The following ATP8A2 variants were observed in gnomAD, a reference collection of about 807,000 sequenced individuals.
The protein encoded by ATP8A2 is phospholipid-transporting ATPase IB.
In ATP8A2, 100 loss-of-function variants were observed where a neutral mutation model predicts 165.6. That is an observed-to-expected ratio of 0.60 (90% CI 0.51 to 0.71). The LOEUF is 0.71. Among genes scored for constraint, ATP8A2 ranks in the 30% least tolerant of loss-of-function variants. The pLI, the probability that ATP8A2 is intolerant of heterozygous loss-of-function variation, is 0.00. For missense variants in ATP8A2, 1,227 were observed against 1,479.5 expected, an observed-to-expected ratio of 0.83 and a Z score of 2.80; for synonymous variants, 543 against 548.8, an observed-to-expected ratio of 0.99 and a Z score of 0.15.
At chr13:25,576,441 G>A (rs762805904) in intron 19 of ATP8A2, among the ~76,000 whole-genome samples, 2 of 152,120 alleles carry the variant, frequency 1.3e-5, no homozygotes, top group African/African-American at 4.8e-5. Context: ...GGGAGATGAG[G>A]TGAGGCTGCA....
chr13:25,465,686 T>G (rs1276932105), intron 1 of ATP8A2, among the ~76,000 whole-genome samples: 1 of 14,610 alleles, frequency 6.8e-5, no homozygotes, highest in African/African-American at 1.8e-4. Flanking sequence ...TTTCTTTCTT[T>G]CTTTCTTTCT....
At chr13:25,847,119 G>A (rs3783121) in intron 30 of ATP8A2, among the ~76,000 whole-genome samples, 4,546 of 152,284 alleles carry the variant, frequency 0.03, 170 homozygotes, top group East Asian at 0.17. Context: ...AGACCTGCAG[G>A]GAGGACAGAG....
chr13:25,680,702 C>T (rs1338960997), intron 24 of ATP8A2, among the ~76,000 whole-genome samples: 2 of 152,152 alleles, frequency 1.3e-5, no homozygotes, highest in Non-Finnish European at 2.9e-5. Context: ...CTGCTCTTGT[C>T]ATCCTAAGGC....
chr13:25,751,878 A>C (rs536299218), intron 25 of ATP8A2, among the ~76,000 whole-genome samples: 1 of 151,302 alleles, frequency 6.6e-6, no homozygotes, highest in African/African-American at 2.4e-5. Context: ...TTTTCTCCTG[A>C]AGTTTTATCA....
chr13:25,434,716 C>T (rs1337561618), intron 1 of ATP8A2, among the ~76,000 whole-genome samples: 4 of 152,110 alleles, frequency 2.6e-5, no homozygotes, highest in Middle Eastern at 3.2e-3. Context: ...TTTATTTTCC[C>T]GTGTTCCCCA....
At chr13:25,581,034 G>A (rs1048026180) in intron 22 of ATP8A2, among the ~76,000 whole-genome samples, 8 of 152,130 alleles carry the variant, frequency 5.3e-5, no homozygotes, top group African/African-American at 1.9e-4. Flanking sequence ...TATTTGCCCT[G>A]TTTTACTGGA....
chr13:25,823,369 A>C (rs113524456), intron 27 of ATP8A2, among the ~76,000 whole-genome samples: 2,030 of 152,168 alleles, frequency 0.013, 45 homozygotes, highest in African/African-American at 0.046. Context: ...TGACATGTTT[A>C]TCTTATATGT....
At chr13:25,826,680 A>G (rs1466776511) in intron 27 of ATP8A2, among the ~76,000 whole-genome samples, 1 of 152,252 alleles carries the variant, frequency 6.6e-6, no homozygotes, top group Non-Finnish European at 1.5e-5. Flanking sequence ...TGTGACACAG[A>G]TAACGTTGAT....
chr13:25,475,335 C>T (rs1460457432), intron 2 of ATP8A2, among the ~76,000 whole-genome samples: 4 of 152,118 alleles, frequency 2.6e-5, no homozygotes, highest in Admixed American at 6.5e-5. Context: ...TCCACATTCC[C>T]GCAAAAGACA....
intron 26 of ATP8A2, among the ~76,000 whole-genome samples, chr13:25,772,039 G>T (rs1487986150): frequency 6.6e-6 from 1 of 152,190 alleles, no homozygotes; most frequent in East Asian, 1.9e-4. Context: ...AAGTTACGAA[G>T]TGGGCAAAGC....
At chr13:25,423,176 T>C (rs1416371352) in intron 1 of ATP8A2, among the ~76,000 whole-genome samples, 3 of 152,234 alleles carry the variant, frequency 2.0e-5, no homozygotes, top group Non-Finnish European at 4.4e-5. Context: ...CTTTCAGTGC[T>C]CTTTCTAGGC....
At position 25,551,448 on chromosome 13, in the gene ATP8A2, G is replaced by A. The variant is rs780809999; in HGVS notation, c.1002G>A (p.Gly334=). Residue 334 remains glycine (G), a synonymous_variant, in exon 11 of 37, where the codon GGG becomes GGA. Transcript: ENST00000381655. ...LLVMALVSSA[G]ALYWNRSHGE... ...TCATGGCCTTGGTGAGCTCGGCGGG[G>A]GCCCTGTACTGGAACAGGTCTCATG... 19 of 1,613,924 alleles carry A rather than the reference G, an allele frequency of 1.2e-5. No individual in the cohort carries two copies. The East Asian group carries it at 4.0e-4, about 34-fold the overall frequency.
At chr13:25,533,392 A>T (rs2038178434) in intron 6 of ATP8A2, 79 bp downstream of exon 6, 1 of 817,108 alleles carries the variant, frequency 1.2e-6, no homozygotes, top group African/African-American at 1.7e-5. Flanking sequence ...ATTGCAGTAT[A>T]AAGTTTCTGT....
intron 24 of ATP8A2, among the ~76,000 whole-genome samples, chr13:25,673,889 A>G (rs184316934): frequency 6.6e-6 from 1 of 152,326 alleles, no homozygotes; most frequent in Non-Finnish European, 1.5e-5. Context: ...GGAAAAAGTG[A>G]AAGATGGTAC....
At chr13:25,616,984 T>TAAC (rs2040843970) in intron 24 of ATP8A2, among the ~76,000 whole-genome samples, 1 of 152,180 alleles carries the variant, frequency 6.6e-6, no homozygotes, top group Non-Finnish European at 1.5e-5. Context: ...AAAGATTAAA[T>TAAC]ATGTAATTGG....
chr13:25,529,294 C>T (rs1004035999), intron 2 of ATP8A2, among the ~76,000 whole-genome samples: 9 of 152,170 alleles, frequency 5.9e-5, no homozygotes, highest in African/African-American at 2.2e-4. Flanking sequence ...TCACTGTTCA[C>T]TCACTATCTG....
intron 23 of ATP8A2, among the ~76,000 whole-genome samples, chr13:25,586,474 C>T (rs1378267440): frequency 6.6e-6 from 1 of 152,164 alleles, no homozygotes; most frequent in East Asian, 1.9e-4. Flanking sequence ...GCTCCAGGGA[C>T]AAGGCCTCAG....
chr13:25,676,575 C>G (rs1348688840), intron 24 of ATP8A2, among the ~76,000 whole-genome samples: 1 of 152,158 alleles, frequency 6.6e-6, no homozygotes, highest in Non-Finnish European at 1.5e-5. Flanking sequence ...GCTCAACCAG[C>G]TTCACTCTGC....
chr13:25,412,191 G>T (rs1214466326), intron 1 of ATP8A2, among the ~76,000 whole-genome samples: 1 of 152,146 alleles, frequency 6.6e-6, no homozygotes. Context: ...CTTGGATCAT[G>T]TAAATGAACA....
Sources: gnomAD v4.1 joint callset for allele counts (sites outside exome capture counted in the v4.1 genomes callset) on GRCh38, gnomAD v4.1.1 for gene constraint, MANE v1.5 for transcripts, NCBI Gene and HGNC (gene_info 2026-07-23, HGNC 2026-07-21) for gene names.